Variants in MAP3K11 observed in about 807,000 individuals in gnomAD.
The protein encoded by MAP3K11 is mitogen-activated protein kinase kinase kinase 11.
In MAP3K11, 46 loss-of-function variants were observed where a neutral mutation model predicts 84.9. The ratio of observed to expected loss-of-function variants is 0.54; its 90% CI spans 0.43 to 0.69. The LOEUF (loss-of-function observed/expected upper bound fraction) is 0.69. Ranked by LOEUF, MAP3K11 falls within the 30% of genes least tolerant of loss-of-function variation. MAP3K11 has a pLI of 0.00. For missense variants in MAP3K11, 1,053 were observed against 1,198.3 expected (o/e 0.88, Z 1.79); for synonymous variants, 527 against 514.7 (o/e 1.02, Z -0.32).
At chr11:65,604,477 C>T (rs1395333585) in intron 8 of MAP3K11, among the ~76,000 whole-genome samples, 2 of 152,208 alleles carry the variant, frequency 1.3e-5, no homozygotes, top group African/African-American at 4.8e-5. Flanking sequence ...TAGCAAATGG[C>T]GGGGCAGATG....
In MAP3K11 at chr11:65,606,818, T is replaced by G; in HGVS notation, c.1490-14A>C. The stretch of plus-strand genomic sequence containing the variant: ...GGTGCTTGAAGTCTGGGATTTGGGT[T>G]GGGGGGAGCAGGGTTCAGGTTTGTG... On this transcript the variant is annotated splice_polypyrimidine_tract_variant and intron_variant, in intron 5 of 9. Transcript: ENST00000309100. 1 of 1,561,528 alleles carries G rather than the reference T, an allele frequency of 6.4e-7. No individual in the cohort carries two copies. Among genetic ancestry groups the G allele is most frequent in the Non-Finnish European group, 8.8e-7 (1 of 1,137,710 alleles).
chr11:65,607,715 A>G lies in MAP3K11; in HGVS notation c.1171T>C (p.Ser391Pro), dbSNP rs1445889967. The change falls in exon 4 of 10, where the codon TCC becomes CCC. Residue 391 changes from serine (S) to proline (P), a missense_variant. Coordinates refer to ENST00000309100, the MANE Select transcript of MAP3K11 (RefSeq NM_002419.4). ...AQVLREMPRD[S>P]FHSMQEGWKR... is the part of the protein sequence containing the mutation. ...CAGCCTTCCTGCATGGAATGGAAGGAGTCCCGCGGCATTTCCCGTAGGACC... is the reference window on the plus strand; with the variant it reads ...CAGCCTTCCTGCATGGAATGGAAGGGGTCCCGCGGCATTTCCCGTAGGACC... 1 of 1,613,590 alleles carries G rather than the reference A, an allele frequency of 6.2e-7. No individual in the cohort carries two copies. Among genetic ancestry groups the G allele is most frequent in the African/African-American group, 1.3e-5 (1 of 74,938 alleles).
chr11:65,603,809 C>T (rs191545774), intron 8 of MAP3K11, among the ~76,000 whole-genome samples: 38 of 152,312 alleles, frequency 2.5e-4, no homozygotes, highest in Admixed American at 1.3e-3. Context: ...GTGTTGAGGC[C>T]GACATACTTA....
chr11:65,613,138 C>T lies in MAP3K11; in HGVS notation c.619G>A (p.Gly207Arg), dbSNP rs755558681. 1.3e-6 allele frequency: 2 copies of T among 1,590,262 alleles called. No individual in the cohort carries two copies. The highest frequency in any genetic ancestry group is 8.6e-7 in the Non-Finnish European group (1 of 1,168,022). ...AGGPLSRALA[G>R]RRVPPHVLVN... The stretch of plus-strand genomic sequence containing the variant: ...AGCACATGGGGAGGCACGCGCCGCC[C>T]GGCCAGAGCTCGGCTGAGGGGCCCA... The change falls in exon 1 of 10, where the codon GGG becomes AGG. Residue 207 changes from glycine (G) to arginine (R), a missense_variant. By Grantham distance (125) the Gly-to-Arg change is moderately radical. Around this residue, in one of 3 missense-constraint regions of MAP3K11, gnomAD observed 310 missense variants for 464.5 expected, o/e 0.67. Coordinates refer to ENST00000309100, the MANE Select transcript of MAP3K11 (RefSeq NM_002419.4).
In MAP3K11 at chr11:65,599,606, C is replaced by T; in HGVS notation, c.1994G>A (p.Gly665Glu). The change falls in exon 9 of 10, where the codon GGA becomes GAA. Residue 665 changes from glycine to glutamate, a missense_variant. By Grantham distance (98) the Gly-to-Glu change is moderately conservative. Around this residue, in one of 3 missense-constraint regions of MAP3K11, gnomAD observed 583 missense variants for 566.6 expected, o/e 1.03. Coordinates refer to ENST00000309100, the MANE Select transcript of MAP3K11 (RefSeq NM_002419.4). ...CTCCCCGCGCTCGCGTCCTGGGCCT[C>T]CCGGCGGCTGCAGGTCGCGGCCAAG... The part of the protein sequence containing the change: ...LGLGRDLQPP[G>E]GPGRERGESP... 2 of 1,542,178 alleles carry T rather than the reference C, an allele frequency of 1.3e-6. No individual in the cohort carries two copies. Among genetic ancestry groups the T allele is most frequent in the Non-Finnish European group, 1.7e-6 (2 of 1,150,452 alleles).
intron 8 of MAP3K11, 148 bp from the exon 9 acceptor site, chr11:65,599,916 C>T: frequency 2.5e-6 from 2 of 805,908 alleles, no homozygotes; most frequent in Non-Finnish European, 3.8e-6. Context: ...GCCTCCCCAT[C>T]ACATACCCAC....
intron 2 of MAP3K11, 46 bp downstream of exon 2, chr11:65,608,222 C>T: frequency 1.2e-6 from 2 of 1,600,118 alleles, no homozygotes; most frequent in Non-Finnish European, 1.7e-6. Flanking sequence ...CACCTCTGCC[C>T]TCTGCAGCCC....
Position 65,613,102 on chromosome 11 carries a change from C to A in MAP3K11, c.655G>T (p.Ala219Ser). ...RVPPHVLVNWAVQIARGMHYL... is the reference protein window; with the variant it reads ...RVPPHVLVNWSVQIARGMHYL... Reference sequence around the variant, plus strand: ...TGCATCCCACGGGCAATCTGCACAGCCCAGTTGACCAGCACATGGGGAGGC... The same window carrying A: ...TGCATCCCACGGGCAATCTGCACAGACCAGTTGACCAGCACATGGGGAGGC... Residue 219 changes from alanine to serine, a missense_variant, in exon 1 of 10, where the codon GCT becomes TCT. Ala to Ser is a moderately conservative substitution (Grantham distance 99). Transcript: ENST00000309100. 1 of 1,574,800 alleles carries A rather than the reference C, an allele frequency of 6.4e-7. No individual in the cohort carries two copies. The highest frequency in any genetic ancestry group is 8.6e-7 in the Non-Finnish European group (1 of 1,160,732).
In MAP3K11 at chr11:65,598,315, CG is replaced by C; in HGVS notation, c.2519del (p.Pro840ArgfsTer107). The C allele has an allele frequency of 6.8e-7, 1 of 1,477,552 alleles. No homozygotes were observed. The highest frequency in any genetic ancestry group is 2.5e-5 in the Admixed American group (1 of 40,476). The allele number at this position is 1,477,552 out of a possible 1,614,324, so 91.5% of individuals were successfully genotyped here. Reference protein sequence around the residue: ...AQTKDMGAQAPWVPEAGP With the variant: ...AQTKDMGAQAXWVPEAGP ...CTCAAGGCCCCGCTTCCGGCACCCACGGGGCCTGGGCACCCATGTCTTTGGT... is the reference window on the plus strand; with the variant it reads ...CTCAAGGCCCCGCTTCCGGCACCCACGGGCCTGGGCACCCATGTCTTTGGT... On this transcript the variant is annotated frameshift_variant, in exon 10 of 10. Coordinates refer to ENST00000309100, the MANE Select transcript of MAP3K11 (RefSeq NM_002419.4). LOFTEE classifies it high-confidence loss of function.
rs1854429150 is a variant in MAP3K11 at position 65,599,554 on chromosome 11, C to CGTTGGCGTGGGGGGT, written c.2031_2045dup (p.Pro679_Pro683dup). The CGTTGGCGTGGGGGGT allele has an allele frequency of 6.7e-7, 1 of 1,489,974 alleles. No individual in the cohort carries two copies. The highest frequency in any genetic ancestry group is 1.5e-5 in the African/African-American group (1 of 67,580). The allele number at this position is 1,489,974 out of a possible 1,614,324, so 92.3% of individuals were successfully genotyped here. On this transcript the variant is annotated inframe_insertion, in exon 9 of 10. Coordinates refer to ENST00000309100, the MANE Select transcript of MAP3K11 (RefSeq NM_002419.4). ...GCGGCTCGGTCGGGCAGGGCGCGGG[C>CGTTGGCGTGGGGGGT]GTTGGCGTGGGGGGTGTTGTCGGGG...
At chr11:65,605,638 A>G (rs1854497891) in intron 8 of MAP3K11, 123 bp downstream of exon 8, 5 of 665,830 alleles carry the variant, frequency 7.5e-6, no homozygotes, top group African/African-American at 1.9e-5. Flanking sequence ...TTGGTTTCCT[A>G]GTCTCTAGAA....
intron 9 of MAP3K11, 146 bp from the exon 10 acceptor site, chr11:65,598,774 C>T: frequency 1.8e-6 from 1 of 555,374 alleles, no homozygotes; most frequent in South Asian, 3.7e-5. Context: ...CTCCGTGGTG[C>T]CTCTGTTTTT....
chr11:65,608,158 C>T (rs1250488430), intron 2 of MAP3K11, 88 bp from the exon 3 acceptor site: 2 of 1,595,978 alleles, frequency 1.3e-6, no homozygotes, highest in Non-Finnish European at 1.7e-6. Context: ...AACTAGGAGC[C>T]AAGTGGTTTG....
intron 1 of MAP3K11, chr11:65,612,487 G>T (rs1201390657): frequency 6.5e-6 from 1 of 152,800 alleles, no homozygotes; most frequent in African/African-American, 2.4e-5. Flanking sequence ...TGAAATTGAG[G>T]CTCCGAGTTG....
chr11:65,610,600 G>C (rs1209797231), intron 1 of MAP3K11: 1 of 152,280 alleles, frequency 6.6e-6, no homozygotes, highest in South Asian at 2.1e-4. Flanking sequence ...ACAGCAGGCT[G>C]GGGCAGTGGG....
rs762549751 is a variant in MAP3K11 at position 65,607,626 on chromosome 11, C to T, written c.1245+15G>A. 1.3e-6 allele frequency: 2 copies of T among 1,596,266 alleles called. No homozygotes were observed. The highest frequency in any genetic ancestry group is 2.2e-5 in the East Asian group (1 of 44,542). ...AGACACTCGTTCCAACGCTGGGTCCCTTGATTCCTCGCACCTTTTCCTTGG... is the reference window on the plus strand; with the variant it reads ...AGACACTCGTTCCAACGCTGGGTCCTTTGATTCCTCGCACCTTTTCCTTGG... On this transcript the variant is annotated intron_variant, in intron 4 of 9. Coordinates refer to ENST00000309100, the MANE Select transcript of MAP3K11 (RefSeq NM_002419.4).
At position 65,614,013 on chromosome 11, in the gene MAP3K11, G is replaced by A; in HGVS notation, c.-257C>T. ...CCCGGGGCCTCCGGCGCCTCACCAT[G>A]GCTAGCTTGGAGGGACCCGAGCTTC... is the stretch of plus-strand genomic sequence containing the variant. On this transcript the variant is annotated 5_prime_UTR_variant, in exon 1 of 10. Transcript: ENST00000309100. 2.0e-6 allele frequency: 1 copy of A among 507,974 alleles called. No individual in the cohort carries two copies. The highest frequency in any genetic ancestry group is 3.8e-5 in the Admixed American group (1 of 26,516). 31.5% of individuals were successfully genotyped at this position (507,974 alleles called of 1,614,324 possible).
At position 65,607,522 on chromosome 11, in the gene MAP3K11, G is replaced by C. The variant is rs1205986664; in HGVS notation, c.1246-9C>G. 3.8e-6 allele frequency: 6 copies of C among 1,559,018 alleles called. No individual in the cohort carries two copies. Among genetic ancestry groups the C allele is most frequent in the Non-Finnish European group, 5.2e-6 (6 of 1,159,626 alleles). Reference sequence around the variant, plus strand: ...TCGCGGCTCAGTAGTTCCTGCGCCCGAGACAGCGATGGTGGAGAGGTCAGC... The same window carrying C: ...TCGCGGCTCAGTAGTTCCTGCGCCCCAGACAGCGATGGTGGAGAGGTCAGC... On this transcript the variant is annotated splice_polypyrimidine_tract_variant and intron_variant, in intron 4 of 9. Coordinates refer to ENST00000309100, the MANE Select transcript of MAP3K11 (RefSeq NM_002419.4).
intron 5 of MAP3K11, 114 bp downstream of exon 5, chr11:65,607,156 C>T (rs1854519121): frequency 1.3e-5 from 17 of 1,330,690 alleles, no homozygotes; most frequent in Non-Finnish European, 1.6e-5. Context: ...GCCTTCATCT[C>T]ACGGGCCCAC....
Sources: gnomAD v4.1 joint callset for allele counts (sites outside exome capture counted in the v4.1 genomes callset) on GRCh38, gnomAD v4.1.1 for gene constraint, gnomAD v4.1.1 regional missense constraint, MANE v1.5 for transcripts, NCBI Gene and HGNC (gene_info 2026-07-23, HGNC 2026-07-21) for gene names.